CERS6: variants seen among roughly 807,000 people sequenced by gnomAD.
CERS6 encodes ceramide synthase 6, also known as LAG1 homolog, ceramide synthase 6.
Under a neutral mutation model 56.8 loss-of-function variants are expected in CERS6, and 26 were observed. That is an observed-to-expected ratio of 0.46 (90% confidence interval 0.34 to 0.63). CERS6 has a LOEUF of 0.63. Ranked by LOEUF, CERS6 falls within the 30% of genes least tolerant of loss-of-function variation. The pLI is 0.01. For synonymous variants in CERS6, 164 were observed against 173.3 expected (o/e 0.95, Z 0.42); for missense variants, 415 against 467.5 (o/e 0.89, Z 1.04).
intron 4 of CERS6, among the ~76,000 whole-genome samples, chr2:168,655,212 T>C (rs1188899565): frequency 3.9e-5 from 6 of 152,072 alleles, no homozygotes; most frequent in Admixed American, 6.6e-5. Flanking sequence ...ACGATGGCTT[T>C]TATCAAAAAG....
chr2:168,631,050 C>T lies in CERS6; in HGVS notation c.465+8C>T. The T allele has an allele frequency of 1.4e-6, 2 of 1,430,196 alleles. No homozygotes were observed. Among genetic ancestry groups the T allele is most frequent in the Non-Finnish European group, 1.9e-6 (2 of 1,036,236 alleles). 88.6% of individuals were successfully genotyped at this position (1,430,196 alleles called of 1,614,324 possible). A position where few individuals can be genotyped will look rare whatever the true frequency, so the allele number is the denominator to read the frequency against. On this transcript the variant is annotated splice_region_variant and intron_variant, in intron 4 of 9. Transcript: ENST00000305747. ...GTCAGATTCCTGAAAAAGGTAGGAT[C>T]TCTCAAACTATTTTACATGATTCTT...
chr2:168,493,564 T>A (rs1484398556), intron 1 of CERS6, among the ~76,000 whole-genome samples: 2 of 152,194 alleles, frequency 1.3e-5, no homozygotes, highest in African/African-American at 4.8e-5. Flanking sequence ...CTGTCCTCTC[T>A]GGATCTTACC....
chr2:168,685,672 C>G (rs768660426), intron 4 of CERS6, among the ~76,000 whole-genome samples: 29 of 152,180 alleles, frequency 1.9e-4, no homozygotes, highest in Non-Finnish European at 2.5e-4. Context: ...TCGATTCTTA[C>G]GTGTGTGGTC....
chr2:168,629,814 ACTT>A (rs1684669821), intron 3 of CERS6, among the ~76,000 whole-genome samples: 1 of 151,618 alleles, frequency 6.6e-6, no homozygotes, highest in African/African-American at 2.4e-5. Context: ...TAAGTTCTTA[ACTT>A]TTTTTCTTTT....
Position 168,631,003 on chromosome 2 carries a change from C to T in CERS6, c.426C>T (p.Tyr142=). The change falls in exon 4 of 10, where the codon TAC becomes TAT. Residue 142 remains tyrosine, a synonymous_variant. Coordinates refer to ENST00000305747, the MANE Select transcript of CERS6 (RefSeq NM_203463.3). ...FCESMWRFSF[Y]LYVFTYGVRF... is the part of the protein sequence containing the mutation. ...TCTACAGGTGGAGATTTTCATTTTA[C>T]CTTTATGTATTTACCTACGGAGTCA... 2 of 1,526,494 alleles carry T rather than the reference C, an allele frequency of 1.3e-6. No individual in the cohort carries two copies. Among genetic ancestry groups the T allele is most frequent in the Non-Finnish European group, 1.8e-6 (2 of 1,119,698 alleles). The allele number at this position is 1,526,494 out of a possible 1,614,324, so 94.6% of individuals were successfully genotyped here.
chr2:168,636,986 C>T (rs894497891), intron 4 of CERS6, among the ~76,000 whole-genome samples: 1 of 152,148 alleles, frequency 6.6e-6, no homozygotes, highest in Non-Finnish European at 1.5e-5. Flanking sequence ...TTAATTGCTT[C>T]GTCTCTAAAA....
chr2:168,521,797 G>A (rs1694987412), intron 1 of CERS6, among the ~76,000 whole-genome samples: 1 of 152,222 alleles, frequency 6.6e-6, no homozygotes, highest in African/African-American at 2.4e-5. Context: ...TTTCTGACAG[G>A]AACAGTGGAA....
chr2:168,694,725 A>C (rs1686598348), intron 5 of CERS6, among the ~76,000 whole-genome samples: 1 of 152,158 alleles, frequency 6.6e-6, no homozygotes, highest in Non-Finnish European at 1.5e-5. Flanking sequence ...TGAGTCCCAA[A>C]TGTTCGTGCT....
In CERS6 at chr2:168,762,620, C is replaced by A. The variant is rs930920828; in HGVS notation, c.846-2972C>A. 2.5e-4 allele frequency among the ~76,000 whole-genome samples: 38 copies of A among 152,208 alleles called. 1 individual carries two copies. Among genetic ancestry groups the A allele is most frequent in the African/African-American group, 9.2e-4 (38 of 41,526 alleles). ...ATATTAATAGATTTCCTAATATTTT[C>A]CCCCTTCCCCAGAGTGAATACAACT... is the stretch of plus-strand genomic sequence containing the variant. On this transcript the variant is annotated intron_variant, in intron 8 of 9. Transcript: ENST00000305747.
At chr2:168,671,862 A>G (rs1410993408) in intron 4 of CERS6, among the ~76,000 whole-genome samples, 4 of 152,218 alleles carry the variant, frequency 2.6e-5, no homozygotes, top group Non-Finnish European at 4.4e-5. Context: ...GGCTATTTCT[A>G]TACAGTCGAA....
At chr2:168,634,057 A>G (rs563751363) in intron 4 of CERS6, among the ~76,000 whole-genome samples, 13 of 152,164 alleles carry the variant, frequency 8.5e-5, no homozygotes, top group Non-Finnish European at 1.5e-4. Context: ...CTCATTTTCT[A>G]TGGTGGTTTA....
intron 1 of CERS6, among the ~76,000 whole-genome samples, chr2:168,460,129 C>T (rs1000736778): frequency 6.6e-6 from 1 of 151,968 alleles, no homozygotes; most frequent in African/African-American, 2.4e-5. Flanking sequence ...TCCTGTGGAT[C>T]ATCTGTGCTT....
chr2:168,552,349 T>TACACACACACACACAC, intron 2 of CERS6, among the ~76,000 whole-genome samples: 1 of 140,102 alleles, frequency 7.1e-6, no homozygotes, highest in East Asian at 2.1e-4. Flanking sequence ...ATACAGAGTA[T>TACACACACACACACAC]ACACACACAC....
rs553760158 is a variant in CERS6, at chr2:168,536,321, A to G, written c.171-11275A>G. ...AGAATAGTCCCAGTAGCAAGAAATA[A>G]GAACAACAATATAATATGAACACAC... On this transcript the variant is annotated intron_variant, in intron 1 of 9. Coordinates refer to ENST00000305747, the MANE Select transcript of CERS6 (RefSeq NM_203463.3). 9.2e-5 allele frequency among the ~76,000 whole-genome samples: 14 copies of G among 152,348 alleles called. No homozygotes were observed. In the South Asian group the frequency reaches 2.9e-3, roughly 32 times the overall value.
chr2:168,667,963 G>A (rs1051081009), intron 4 of CERS6, among the ~76,000 whole-genome samples: 8 of 152,154 alleles, frequency 5.3e-5, no homozygotes, highest in Non-Finnish European at 1.0e-4. Flanking sequence ...TGTATTTGGT[G>A]GGGCCTTGTA....
rs1684921212 is a variant in CERS6, at chr2:168,773,633, C to G, written c.*3971C>G. ...CCATGCTGTCCATGGAAGGAATAAT[C>G]AGCAGTTCAGTTGTCACAAGCCGCC... On this transcript the variant is annotated 3_prime_UTR_variant, in exon 10 of 10. Coordinates refer to ENST00000305747, the MANE Select transcript of CERS6 (RefSeq NM_203463.3). The G allele has an allele frequency of 6.6e-6, 1 of 152,226 alleles. No homozygotes were observed. Among genetic ancestry groups the G allele is most frequent in the Admixed American group, 6.5e-5 (1 of 15,286 alleles). The allele number at this position is 152,226 out of a possible 1,614,324, so 9.4% of individuals were successfully genotyped here.
At chr2:168,589,346 A>G (rs1396803842) in intron 3 of CERS6, among the ~76,000 whole-genome samples, 1 of 152,156 alleles carries the variant, frequency 6.6e-6, no homozygotes, top group East Asian at 1.9e-4. Flanking sequence ...AGGTCGTGCT[A>G]TCTCCATTTG....
At chr2:168,735,108 G>A (rs768946608) in intron 8 of CERS6, among the ~76,000 whole-genome samples, 5 of 152,158 alleles carry the variant, frequency 3.3e-5, no homozygotes, top group African/African-American at 7.2e-5. Context: ...CACTGAGTAT[G>A]TGTTCTTTAG....
intron 3 of CERS6, among the ~76,000 whole-genome samples, chr2:168,611,287 C>T (rs1426748950): frequency 6.6e-6 from 1 of 152,114 alleles, no homozygotes; most frequent in Non-Finnish European, 1.5e-5. Context: ...AGCCACATTC[C>T]CCAGCATTAT....
Sources: gnomAD v4.1 joint callset for allele counts (sites outside exome capture counted in the v4.1 genomes callset) on GRCh38, gnomAD v4.1.1 for gene constraint, MANE v1.5 for transcripts, NCBI Gene and HGNC (gene_info 2026-07-23, HGNC 2026-07-21) for gene names.